The following PLCXD3 variants were observed in gnomAD, a reference collection of about 807,000 sequenced individuals.
PLCXD3 encodes phosphatidylinositol specific phospholipase C X domain containing 3.
PLCXD3 carries 19 observed loss-of-function variants against 25.5 expected under a neutral mutation model. The ratio of observed to expected loss-of-function variants is 0.75; its 90% CI spans 0.52 to 1.09. The LOEUF (loss-of-function observed/expected upper bound fraction) is 1.09. Among genes scored for constraint, PLCXD3 ranks in the 50% least tolerant of loss-of-function variants. PLCXD3 has a pLI of 0.00. For missense variants in PLCXD3, 411 were observed against 388.1 expected (o/e 1.06, Z -0.50); for synonymous variants, 174 against 137.6 (o/e 1.26, Z -1.85).
intron 1 of PLCXD3, among the ~76,000 whole-genome samples, chr5:41,446,182 A>AAAAAAAAAC (rs1747496371): frequency 6.8e-6 from 1 of 146,182 alleles, no homozygotes; most frequent in African/African-American, 2.5e-5. Flanking sequence ...TTCTCAAAAA[A>AAAAAAAAAC]AAAAAAAAAA....
chr5:41,396,631 C>T (rs1225667477), intron 1 of PLCXD3, among the ~76,000 whole-genome samples: 1 of 152,132 alleles, frequency 6.6e-6, no homozygotes, highest in South Asian at 2.1e-4. Flanking sequence ...AGTTTGGAGG[C>T]ATCAGAAGAA....
chr5:41,484,663 C>T (rs1018335415), intron 1 of PLCXD3, among the ~76,000 whole-genome samples: 2 of 152,116 alleles, frequency 1.3e-5, no homozygotes, highest in Non-Finnish European at 2.9e-5. Context: ...AGAAACTGCC[C>T]AGGTAATCCC....
intron 1 of PLCXD3, among the ~76,000 whole-genome samples, chr5:41,387,529 A>G (rs924776412): frequency 2.6e-5 from 4 of 152,072 alleles, no homozygotes; most frequent in South Asian, 2.1e-4. Flanking sequence ...GTATTCTGTA[A>G]TTTTTTAGAC....
intron 1 of PLCXD3, among the ~76,000 whole-genome samples, chr5:41,406,392 A>G (rs193032052): frequency 2.6e-5 from 4 of 152,216 alleles, no homozygotes; most frequent in East Asian, 1.9e-4. Context: ...TTATTGTTCC[A>G]TGGTTACTAT....
intron 1 of PLCXD3, among the ~76,000 whole-genome samples, chr5:41,449,961 A>G (rs1490403068): frequency 2.0e-5 from 3 of 152,134 alleles, no homozygotes; most frequent in Non-Finnish European, 4.4e-5. Flanking sequence ...ACTGAATACC[A>G]TTATAATTTT....
Position 41,510,447 on chromosome 5 carries a change from G to C in PLCXD3, c.80C>G (p.Pro27Arg). 3.1e-6 allele frequency: 5 copies of C among 1,610,168 alleles called. No homozygotes were observed. The highest frequency in any genetic ancestry group is 4.2e-6 in the Non-Finnish European group (5 of 1,178,246). Residue 27 changes from proline to arginine, a missense_variant, in exon 1 of 3, where the codon CCC becomes CGC. Coordinates refer to ENST00000377801, the MANE Select transcript of PLCXD3 (RefSeq NM_001005473.3). Reference protein sequence around the residue: ...ATLPESMHSIPLTNLAIPGSH... With the variant: ...ATLPESMHSIRLTNLAIPGSH... ...ACCTGGAATGGCTAAATTGGTGAGG[G>C]GGATGCTGTGCATGCTCTCCGGCAG...
At chr5:41,369,024 G>T (rs1745016956) in intron 2 of PLCXD3, among the ~76,000 whole-genome samples, 1 of 152,078 alleles carries the variant, frequency 6.6e-6, no homozygotes, top group South Asian at 2.1e-4. Flanking sequence ...GGGTCTTGTT[G>T]GTCTGTGGAC....
Position 41,307,738 on chromosome 5 carries a change from A to C in PLCXD3, c.*5879T>G, listed in dbSNP as rs1743035590. On this transcript the variant is annotated 3_prime_UTR_variant, in exon 3 of 3. Coordinates refer to ENST00000377801, the MANE Select transcript of PLCXD3 (RefSeq NM_001005473.3). ...TACAATTCCGTAGATGACCAGTTTT[A>C]ACCTGATAAAAATAATTTGTGGTAA... 1 of 152,284 alleles carries C rather than the reference A, an allele frequency of 6.6e-6. No homozygotes were observed. Among genetic ancestry groups the C allele is most frequent in the Middle Eastern group, 3.4e-3 (1 of 294 alleles). 9.4% of individuals were successfully genotyped at this position (152,284 alleles called of 1,614,324 possible).
chr5:41,393,058 C>A (rs983703303), intron 1 of PLCXD3, among the ~76,000 whole-genome samples: 1 of 152,104 alleles, frequency 6.6e-6, no homozygotes, highest in African/African-American at 2.4e-5. Context: ...AGCACTTAGA[C>A]AGAATCTAGA....
At position 41,510,409 on chromosome 5, in the gene PLCXD3, C is replaced by A; in HGVS notation, c.103+15G>T. Reference sequence around the variant, plus strand: ...CGGGCGCCGAGCGCCTAGCCCGCAGCCCCTGCGCGCCTACCTGGAATGGCT... The same window carrying A: ...CGGGCGCCGAGCGCCTAGCCCGCAGACCCTGCGCGCCTACCTGGAATGGCT... On this transcript the variant is annotated intron_variant, in intron 1 of 2. Transcript: ENST00000377801. 2 of 1,595,294 alleles carry A rather than the reference C, an allele frequency of 1.3e-6. No individual in the cohort carries two copies. The highest frequency in any genetic ancestry group is 1.7e-5 in the Admixed American group (1 of 58,204).
intron 1 of PLCXD3, among the ~76,000 whole-genome samples, chr5:41,444,422 C>A (rs978363525): frequency 6.6e-6 from 1 of 152,164 alleles, no homozygotes; most frequent in Non-Finnish European, 1.5e-5. Context: ...TGCTCCTCAG[C>A]TAGCATCAGC....
At chr5:41,487,155 A>G (rs73079799) in intron 1 of PLCXD3, among the ~76,000 whole-genome samples, 1,700 of 152,336 alleles carry the variant, frequency 0.011, 28 homozygotes, top group African/African-American at 0.039. Flanking sequence ...TTGTAGTGCC[A>G]TAATGGCTAA....
At chr5:41,465,174 T>C (rs551486708) in intron 1 of PLCXD3, among the ~76,000 whole-genome samples, 7 of 152,016 alleles carry the variant, frequency 4.6e-5, no homozygotes, top group African/African-American at 1.4e-4. Flanking sequence ...GACATGTTTT[T>C]CATTATTTTG....
At chr5:41,374,303 T>A (rs2150489955) in intron 2 of PLCXD3, among the ~76,000 whole-genome samples, 1 of 152,232 alleles carries the variant, frequency 6.6e-6, no homozygotes, top group East Asian at 1.9e-4. Context: ...TTAACAAAAT[T>A]TCCATAAGAG....
Position 41,311,923 on chromosome 5 carries a change from C to T in PLCXD3, c.*1694G>A, listed in dbSNP as rs1444494790. On this transcript the variant is annotated 3_prime_UTR_variant, in exon 3 of 3. Coordinates refer to ENST00000377801, the MANE Select transcript of PLCXD3 (RefSeq NM_001005473.3). ...AGGGCATGCTTTTATTTCTCTATGA[C>T]CCTACTTTGCATGGACTGTATTATC... The T allele has an allele frequency of 6.6e-6, 1 of 152,424 alleles. No homozygotes were observed. Among genetic ancestry groups the T allele is most frequent in the Non-Finnish European group, 1.5e-5 (1 of 67,990 alleles). 9.4% of individuals were successfully genotyped at this position (152,424 alleles called of 1,614,324 possible). A position where few individuals can be genotyped will look rare whatever the true frequency, so the allele number is the denominator to read the frequency against.
At chr5:41,431,899 G>C (rs536473716) in intron 1 of PLCXD3, among the ~76,000 whole-genome samples, 5 of 152,204 alleles carry the variant, frequency 3.3e-5, no homozygotes, top group Non-Finnish European at 5.9e-5. Flanking sequence ...CCTGCAACTT[G>C]TCCATGATAG....
intron 2 of PLCXD3, among the ~76,000 whole-genome samples, chr5:41,344,227 G>T (rs954205420): frequency 6.6e-6 from 1 of 152,090 alleles, no homozygotes; most frequent in African/African-American, 2.4e-5. Context: ...AAGATAGTTT[G>T]TCCAATATTT....
chr5:41,309,309 T>C lies in PLCXD3; in HGVS notation c.*4308A>G, dbSNP rs1207825413. On this transcript the variant is annotated 3_prime_UTR_variant, in exon 3 of 3. Coordinates refer to ENST00000377801, the MANE Select transcript of PLCXD3 (RefSeq NM_001005473.3). ...GGAAAACAAACAATTTAGAGCATTATTTAAAACTGTATGTAACACAGGAGC... is the reference window on the plus strand; with the variant it reads ...GGAAAACAAACAATTTAGAGCATTACTTAAAACTGTATGTAACACAGGAGC... 6.6e-6 allele frequency: 1 copy of C among 152,580 alleles called. No homozygotes were observed. The highest frequency in any genetic ancestry group is 1.5e-5 in the Non-Finnish European group (1 of 68,032). The allele number at this position is 152,580 out of a possible 1,614,324, so 9.5% of individuals were successfully genotyped here. A position where few individuals can be genotyped will look rare whatever the true frequency, so the allele number is the denominator to read the frequency against.
rs1745466795 is a variant in PLCXD3, at chr5:41,381,746, T to C, written c.812+80A>G. 5.2e-6 allele frequency: 7 copies of C among 1,350,580 alleles called. No individual in the cohort carries two copies. In the East Asian group the frequency reaches 1.6e-4, roughly 31 times the overall value. 83.7% of individuals were successfully genotyped at this position (1,350,580 alleles called of 1,614,324 possible). On this transcript the variant is annotated intron_variant, in intron 2 of 2. Transcript: ENST00000377801. Reference sequence around the variant, plus strand: ...GGGACCTAATATACATAGGTATAATTTCAGCTTCATCACTTATGAGCTCTA... The same window carrying C: ...GGGACCTAATATACATAGGTATAATCTCAGCTTCATCACTTATGAGCTCTA...
Sources: allele counts gnomAD v4.1 joint callset (sites outside exome capture counted in the v4.1 genomes callset), GRCh38; gene constraint gnomAD v4.1.1; transcripts MANE v1.5; gene names NCBI Gene and HGNC (gene_info 2026-07-23, HGNC 2026-07-21).